The following GHR variants were observed in gnomAD, a reference collection of about 807,000 sequenced individuals.
GHR encodes the protein GH receptor.
Under a neutral mutation model 67.1 loss-of-function variants are expected in GHR, and 35 were observed. That is an observed-to-expected ratio of 0.52 (90% CI 0.40 to 0.69). The LOEUF is 0.69. Among genes scored for constraint, GHR ranks in the 30% least tolerant of loss-of-function variants. The pLI is 0.00. For missense variants in GHR, 792 were observed against 764.6 expected (o/e 1.04, Z -0.42); for synonymous variants, 272 against 269.1 (o/e 1.01, Z -0.10).
At chr5:42,646,763 T>C (rs978050707) in intron 3 of GHR, among the ~76,000 whole-genome samples, 12 of 152,130 alleles carry the variant, frequency 7.9e-5, no homozygotes, top group African/African-American at 2.9e-4. Context: ...GCAAACCAAA[T>C]GAAGGCATCT....
chr5:42,483,985 A>T (rs190100723), intron 1 of GHR, among the ~76,000 whole-genome samples: 1 of 152,138 alleles, frequency 6.6e-6, no homozygotes, highest in East Asian at 1.9e-4. Flanking sequence ...AGAGAGTACT[A>T]AGTAGGTACT....
rs376616033 is a variant in GHR at position 42,488,194 on chromosome 5, A to G, written c.-12+64239A>G. 1.2e-4 allele frequency among the ~76,000 whole-genome samples: 18 copies of G among 152,358 alleles called. 2 individuals carry two copies. The highest frequency in any genetic ancestry group is 3.8e-4 in the African/African-American group (16 of 41,572). ...TGATTATAGTACTAAACTCATAATA[A>G]AGTAATCAGAACTTCATTTATTAAA... On this transcript the variant is annotated intron_variant, in intron 1 of 9. Transcript: ENST00000230882.
chr5:42,447,492 T>C (rs979339618), intron 1 of GHR, among the ~76,000 whole-genome samples: 2 of 152,146 alleles, frequency 1.3e-5, no homozygotes, highest in Non-Finnish European at 2.9e-5. Flanking sequence ...TTCCATGGTA[T>C]ATATATATCA....
rs1431862862 is a variant in GHR, at chr5:42,424,570, G to GT, written c.-12+616dup. ...CACCGATGGAACTGGGGTCAGTAGA[G>GT]TGACAGCCACCAGTCCGCATGAACT... is the stretch of plus-strand genomic sequence containing the variant. On this transcript the variant is annotated intron_variant, in intron 1 of 9. Coordinates refer to ENST00000230882, the MANE Select transcript of GHR (RefSeq NM_000163.5). The surrounding 1 kb of genome is among the most constrained non-coding windows in gnomAD (Gnocchi z 4.1). 6.5e-7 allele frequency: 1 copy of GT among 1,534,538 alleles called. No individual in the cohort carries two copies. The highest frequency in any genetic ancestry group is 8.7e-7 in the Non-Finnish European group (1 of 1,145,922).
rs1365171460 is a variant in GHR at position 42,719,583 on chromosome 5, TA to T, written c.*166del. On this transcript the variant is annotated 3_prime_UTR_variant, in exon 10 of 10. Coordinates refer to ENST00000230882, the MANE Select transcript of GHR (RefSeq NM_000163.5). ...TTCCCAAAATGTTGAAATATGATGTTAAAAAAATAAGAAGAATGCTTAATCA... is the reference window on the plus strand; with the variant it reads ...TTCCCAAAATGTTGAAATATGATGTTAAAAAATAAGAAGAATGCTTAATCA... 34 of 704,410 alleles carry T rather than the reference TA, an allele frequency of 4.8e-5. No homozygotes were observed. The South Asian group carries it at 5.1e-4, about 11-fold the overall frequency. 43.6% of individuals were successfully genotyped at this position (704,410 alleles called of 1,614,324 possible).
intron 1 of GHR, among the ~76,000 whole-genome samples, chr5:42,436,169 A>C (rs75192547): frequency 6.6e-6 from 1 of 152,338 alleles, no homozygotes; most frequent in African/African-American, 2.4e-5. Context: ...TAAGGCACAT[A>C]GCCTTGAGTA....
rs539528578 is a variant in GHR, at chr5:42,526,186, A to T, written c.-11-39678A>T. On this transcript the variant is annotated intron_variant, in intron 1 of 9. Transcript: ENST00000230882. ...TACTCCAGTGAATACATAAGTTATT[A>T]AAAAAAAAAAAGTGACACAGCCTTA... Among the ~76,000 whole-genome samples, 33 of 143,150 alleles carry T rather than the reference A, an allele frequency of 2.3e-4. No homozygotes were observed. In the South Asian group the frequency reaches 5.5e-3, roughly 24 times the overall value. The allele number at this position is 143,150 out of a possible 152,430, so 93.9% of individuals were successfully genotyped here.
intron 1 of GHR, among the ~76,000 whole-genome samples, chr5:42,532,942 C>G (rs1015533896): frequency 6.6e-6 from 1 of 152,048 alleles, no homozygotes; most frequent in African/African-American, 2.4e-5. Context: ...TAGAGTTCTT[C>G]TCACATATAT....
chr5:42,668,005 AGTTATTT>A lies in GHR; in HGVS notation c.137-20884_137-20878del, dbSNP rs1409902580. On this transcript the variant is annotated intron_variant, in intron 3 of 9. Coordinates refer to ENST00000230882, the MANE Select transcript of GHR (RefSeq NM_000163.5). ...ACTTCTCTATCTGCTTATGTACGTG[AGTTATTT>A]CCTCTACTGGATTACGATCTTCAAG... Among the ~76,000 whole-genome samples, 565 of 152,198 alleles carry A rather than the reference AGTTATTT, an allele frequency of 3.7e-3. 2 individuals carry two copies. Among genetic ancestry groups the A allele is most frequent in the African/African-American group, 0.013 (549 of 41,528 alleles).
chr5:42,694,950 A>G lies in GHR; in HGVS notation c.300A>G (p.Glu100=). Residue 100 remains glutamate, a synonymous_variant, in exon 5 of 10, where the codon GAA becomes GAG. Transcript: ENST00000230882. ...NTQEWTQEWK[E]CPDYVSAGEN... ...AAGAATGGACTCAAGAATGGAAAGA[A>G]TGCCCTGATTATGTTTCTGCTGGGG... 1 of 1,611,304 alleles carries G rather than the reference A, an allele frequency of 6.2e-7. No homozygotes were observed. Among genetic ancestry groups the G allele is most frequent in the Non-Finnish European group, 8.5e-7 (1 of 1,178,056 alleles).
At chr5:42,715,124 C>A in intron 8 of GHR, 2 of 338,964 alleles carry the variant, frequency 5.9e-6, no homozygotes, top group African/African-American at 2.2e-5. Context: ...TCAAAATCAC[C>A]AAATTCTACA....
intron 1 of GHR, among the ~76,000 whole-genome samples, chr5:42,525,961 G>T (rs1484648307): frequency 2.6e-5 from 4 of 152,178 alleles, no homozygotes; most frequent in African/African-American, 9.7e-5. Flanking sequence ...TTTCAGATAT[G>T]TCTTTATCAG....
intron 1 of GHR, among the ~76,000 whole-genome samples, chr5:42,558,914 C>T (rs916376511): frequency 6.6e-6 from 1 of 152,162 alleles, no homozygotes; most frequent in African/African-American, 2.4e-5. Context: ...TTGTAGTCAA[C>T]GTGAACATTA....
chr5:42,473,236 C>T (rs978818791), intron 1 of GHR, among the ~76,000 whole-genome samples: 1 of 151,960 alleles, frequency 6.6e-6, no homozygotes, highest in Admixed American at 6.6e-5. Context: ...CTTTTTGAGA[C>T]GGAGTCTCAC....
At chr5:42,693,856 T>A (rs1223142271) in intron 4 of GHR, among the ~76,000 whole-genome samples, 3 of 152,232 alleles carry the variant, frequency 2.0e-5, no homozygotes, top group Non-Finnish European at 4.4e-5. Context: ...TTGACTTATA[T>A]ATTGTCTTCT....
chr5:42,689,740 C>A (rs1206393993), intron 4 of GHR, among the ~76,000 whole-genome samples: 3 of 152,126 alleles, frequency 2.0e-5, no homozygotes, highest in Non-Finnish European at 4.4e-5. Context: ...CCATGCCAAA[C>A]CTCATAGGCA....
rs138006760 is a variant in GHR at position 42,546,646 on chromosome 5, C to T, written c.-11-19218C>T. 3.7e-3 allele frequency among the ~76,000 whole-genome samples: 568 copies of T among 152,212 alleles called. 4 individuals are homozygous for T. Among genetic ancestry groups the T allele is most frequent in the African/African-American group, 0.013 (537 of 41,526 alleles). ...AAGTCATGGATTGTGGTATTAATTC[C>T]ATGTGCTAGGAAGGTCATTTAAATG... On this transcript the variant is annotated intron_variant, in intron 1 of 9. Transcript: ENST00000230882.
intron 2 of GHR, among the ~76,000 whole-genome samples, chr5:42,610,863 T>A (rs564114752): frequency 1.3e-5 from 2 of 152,254 alleles, no homozygotes; most frequent in South Asian, 4.1e-4. Context: ...TGGGCCTGCC[T>A]TGGTGTCCTT....
chr5:42,447,718 TCC>T (rs1743870632), intron 1 of GHR, among the ~76,000 whole-genome samples: 1 of 112,882 alleles, frequency 8.9e-6, no homozygotes, highest in African/African-American at 3.5e-5. Flanking sequence ...CCTCCCTCCC[TCC>T]CTCTCTCTCT....
Sources: allele counts gnomAD v4.1 joint callset (sites outside exome capture counted in the v4.1 genomes callset), GRCh38; gene constraint gnomAD v4.1.1; non-coding constraint Gnocchi (gnomAD v3.1); transcripts MANE v1.5; gene names NCBI Gene and HGNC (gene_info 2026-07-23, HGNC 2026-07-21).